Variants in GREB1 observed in about 807,000 individuals in gnomAD.
The protein encoded by GREB1 is growth regulating estrogen receptor binding 1.
GREB1 carries 106 observed loss-of-function variants against 200.7 expected under a neutral mutation model. The observed-to-expected ratio is 0.53, with a 90% CI of 0.45 to 0.62. The LOEUF (loss-of-function observed/expected upper bound fraction) is 0.62. Among genes scored for constraint, GREB1 ranks in the 20% least tolerant of loss-of-function variants. The pLI is 0.00. For missense variants in GREB1, 2,243 were observed against 2,556.8 expected (o/e 0.88, Z 2.65); for synonymous variants, 1,132 against 1,092.4 (o/e 1.04, Z -0.72).
chr2:11,595,173 T>A, intron 11 of GREB1, 78 bp from the exon 12 acceptor site: 1 of 1,329,368 alleles, frequency 7.5e-7, no homozygotes, highest in Non-Finnish European at 1.0e-6. Flanking sequence ...CTAGAAGGGT[T>A]AAGGGACTAG....
In GREB1 at chr2:11,578,295, A is replaced by C. The variant is rs770300067; in HGVS notation, c.638-2A>C. The C allele has an allele frequency of 6.2e-7, 1 of 1,611,780 alleles. No homozygotes were observed. The highest frequency in any genetic ancestry group is 1.1e-5 in the South Asian group (1 of 90,988). ...TTTCACGTGTGCACCTTGCCCCCTT[A>C]GAGTTTAGAAGCCGGCAGATCCCCG... On this transcript the variant is annotated splice_acceptor_variant, in intron 5 of 32. Transcript: ENST00000381486. LOFTEE classifies it high-confidence loss of function.
At chr2:11,601,138 T>C (rs1681744800) in intron 16 of GREB1, 143 bp downstream of exon 16, 3 of 649,994 alleles carry the variant, frequency 4.6e-6, no homozygotes. Flanking sequence ...CAGAGTTAGG[T>C]TGTAAACCCT....
rs1298256531 is a variant in GREB1, at chr2:11,597,539, A to G, written c.1955-242A>G. Among the ~76,000 whole-genome samples, 1 of 152,076 alleles carries G rather than the reference A, an allele frequency of 6.6e-6. No homozygotes were observed. The highest frequency in any genetic ancestry group is 1.5e-5 in the Non-Finnish European group (1 of 68,010). On this transcript the variant is annotated intron_variant, in intron 13 of 32. Coordinates refer to ENST00000381486, the MANE Select transcript of GREB1 (RefSeq NM_014668.4). The surrounding 1 kb of genome is among the most constrained non-coding windows in gnomAD (Gnocchi z 4.1). ...ACCACTGCCTCCACTGTGCTCCCCA[A>G]GTGCTTGGTTCTTATTTTTATTATT...
In GREB1 at chr2:11,597,696, C is replaced by T. The variant is rs1331629686; in HGVS notation, c.1955-85C>T. ...TGTGAATGGGGCCGTCTCCCCTGGA[C>T]AGGTCTCACTGATTCTCTGGCCAAG... On this transcript the variant is annotated intron_variant, in intron 13 of 32. Transcript: ENST00000381486. The surrounding 1 kb of genome is among the most constrained non-coding windows in gnomAD (Gnocchi z 4.1). 1.1e-5 allele frequency: 13 copies of T among 1,186,952 alleles called. No homozygotes were observed. Among genetic ancestry groups the T allele is most frequent in the Non-Finnish European group, 1.6e-5 (13 of 794,052 alleles). The allele number at this position is 1,186,952 out of a possible 1,614,324, so 73.5% of individuals were successfully genotyped here.
chr2:11,543,936 A>C (rs1167064550), intron 1 of GREB1, among the ~76,000 whole-genome samples: 1 of 152,164 alleles, frequency 6.6e-6, no homozygotes, highest in East Asian at 1.9e-4. Flanking sequence ...AAGGGTAGGC[A>C]GTACACGGAA....
chr2:11,622,544 C>T (rs1684095976), intron 23 of GREB1, among the ~76,000 whole-genome samples: 2 of 152,094 alleles, frequency 1.3e-5, no homozygotes, highest in South Asian at 4.2e-4. Flanking sequence ...TAGTAAGCAC[C>T]ATAGACTACA....
chr2:11,637,474 T>C, intron 30 of GREB1, among the ~76,000 whole-genome samples: 1 of 152,194 alleles, frequency 6.6e-6, no homozygotes, highest in Non-Finnish European at 1.5e-5. Flanking sequence ...CTGCATGGAA[T>C]GATCAGTGTC....
intron 15 of GREB1, among the ~76,000 whole-genome samples, chr2:11,600,245 A>ATT (rs1012839621): frequency 4.0e-5 from 6 of 148,828 alleles, no homozygotes; most frequent in African/African-American, 1.5e-4. Context: ...TTAAGCACTG[A>ATT]TTTTTTTTTT....
Position 11,598,745 on chromosome 2 carries a change from C to T in GREB1, c.2218C>T (p.Leu740=), listed in dbSNP as rs1185926168. 6.2e-6 allele frequency: 10 copies of T among 1,614,050 alleles called. No homozygotes were observed. The highest frequency in any genetic ancestry group is 8.5e-6 in the Non-Finnish European group (10 of 1,180,010). The change falls in exon 15 of 33, where the codon CTG becomes TTG. Residue 740 remains leucine (L), a synonymous_variant. Coordinates refer to ENST00000381486, the MANE Select transcript of GREB1 (RefSeq NM_014668.4). ...MTKQRVEQYV[L]KLDTEAQTKF... is the part of the protein sequence containing the mutation. ...GAAGCAGAGGGTGGAACAGTATGTT[C>T]TGAAGCTAGACACGGAGGCACAGAC...
intron 17 of GREB1, among the ~76,000 whole-genome samples, chr2:11,606,762 A>ATTATTATTT (rs1682335715): frequency 4.9e-5 from 1 of 20,586 alleles, no homozygotes; most frequent in African/African-American, 6.2e-5. Flanking sequence ...TAGTTTCATT[A>ATTATTATTT]TTATTATTAT....
intron 1 of GREB1, among the ~76,000 whole-genome samples, chr2:11,483,841 G>A (rs576905543): frequency 1.8e-4 from 27 of 152,080 alleles, no homozygotes; most frequent in Non-Finnish European, 2.8e-4. Context: ...TGGTCTTGAG[G>A]ACCTGCAAAA....
chr2:11,596,534 AGGG>A (rs1304163742), intron 13 of GREB1, among the ~76,000 whole-genome samples: 1 of 23,232 alleles, frequency 4.3e-5, no homozygotes, highest in African/African-American at 2.2e-4. Context: ...GTGCACAGTG[AGGG>A]GGTGGGGGCA....
chr2:11,632,103 T>C lies in GREB1; in HGVS notation c.4806T>C (p.Ser1602=), dbSNP rs1340913528. ...IMLVLPSIFN[S]AGVGAAHFLI... ...TGGTGCTCCCCAGTATCTTCAACAG[T>C]GCTGGAGTTGGTGAGTGTCCTTTAA... is the stretch of plus-strand genomic sequence containing the variant. The change falls in exon 27 of 33, where the codon AGT becomes AGC. Residue 1602 remains serine, a synonymous_variant. Coordinates refer to ENST00000381486, the MANE Select transcript of GREB1 (RefSeq NM_014668.4). The C allele has an allele frequency of 1.2e-6, 2 of 1,612,270 alleles. No homozygotes were observed. Among genetic ancestry groups the C allele is most frequent in the Admixed American group, 3.3e-5 (2 of 59,998 alleles).
intron 1 of GREB1, among the ~76,000 whole-genome samples, chr2:11,501,910 T>TTTTTG (rs1673054734): frequency 9.7e-6 from 1 of 102,920 alleles, no homozygotes. Context: ...TTTTTGTTTT[T>TTTTTG]TTTTTTTTTT....
At chr2:11,572,967 G>C (rs111854822) in intron 4 of GREB1, among the ~76,000 whole-genome samples, 25 of 152,288 alleles carry the variant, frequency 1.6e-4, no homozygotes, top group African/African-American at 5.8e-4. Context: ...AAATGAGAAC[G>C]TTTATAATGT....
chr2:11,486,775 G>A (rs1672666188), intron 1 of GREB1, among the ~76,000 whole-genome samples: 1 of 151,964 alleles, frequency 6.6e-6, no homozygotes, highest in South Asian at 2.1e-4. Context: ...GGCTGAGGCG[G>A]GAGAATTGCT....
Position 11,592,849 on chromosome 2 carries a change from C to T in GREB1, c.1419C>T (p.Thr473=), listed in dbSNP as rs762673917. ...FLRSWRESHL[T]EIRQYQQAPP... ...GCTCTTGGCGCGAGTCGCACCTGACCGAGATCCGGCAGTACCAGCAGGCGC... is the reference window on the plus strand; with the variant it reads ...GCTCTTGGCGCGAGTCGCACCTGACTGAGATCCGGCAGTACCAGCAGGCGC... The change falls in exon 11 of 33, where the codon ACC becomes ACT. Residue 473 remains threonine (T), a synonymous_variant. Coordinates refer to ENST00000381486, the MANE Select transcript of GREB1 (RefSeq NM_014668.4). 1.6e-5 allele frequency: 26 copies of T among 1,598,454 alleles called. No homozygotes were observed. The Admixed American group carries it at 4.2e-4, about 26-fold the overall frequency.
intron 27 of GREB1, among the ~76,000 whole-genome samples, chr2:11,632,502 C>T (rs1326547595): frequency 1.3e-5 from 2 of 152,060 alleles, no homozygotes; most frequent in Non-Finnish European, 2.9e-5. Context: ...TGACGCCCGG[C>T]TAATTTTTGT....
At position 11,618,431 on chromosome 2, in the gene GREB1, C is replaced by A. The variant is rs761611700; in HGVS notation, c.3556C>A (p.Pro1186Thr). The A allele has an allele frequency of 9.3e-6, 15 of 1,607,076 alleles. No individual in the cohort carries two copies. The Admixed American group carries it at 2.5e-4, about 27-fold the overall frequency. ...KQRPRASQGPPSAISRHSPGP... is the reference protein window; with the variant it reads ...KQRPRASQGPTSAISRHSPGP... ...GAGGCCCCGGGCAAGTCAGGGGCCACCCTCGGCCATCAGCAGGCACAGTCC... is the reference window on the plus strand; with the variant it reads ...GAGGCCCCGGGCAAGTCAGGGGCCAACCTCGGCCATCAGCAGGCACAGTCC... The change falls in exon 22 of 33, where the codon CCC becomes ACC. Residue 1186 changes from proline to threonine, a missense_variant. Transcript: ENST00000381486.
Sources: gnomAD v4.1 joint callset for allele counts (sites outside exome capture counted in the v4.1 genomes callset) on GRCh38, gnomAD v4.1.1 for gene constraint, Gnocchi (gnomAD v3.1) non-coding constraint, MANE v1.5 for transcripts, NCBI Gene and HGNC (gene_info 2026-07-23, HGNC 2026-07-21) for gene names.